The following ANAPC10 variants were observed in gnomAD, a reference collection of about 807,000 sequenced individuals.
The protein encoded by ANAPC10 is anaphase promoting complex subunit 10.
A neutral mutation model predicts 22.0 loss-of-function variants in ANAPC10; 12 were observed. That is an observed-to-expected ratio of 0.55 (90% CI 0.35 to 0.88). The LOEUF is 0.88. Ranked by LOEUF, ANAPC10 falls within the 40% of genes least tolerant of loss-of-function variation. The probability of loss-of-function intolerance (pLI) is 0.01; values close to 1 mark genes in which losing one functional copy is unlikely to be tolerated. For synonymous variants in ANAPC10, 65 were observed against 69.5 expected (o/e 0.94, Z 0.32); for missense variants, 188 against 220.9 (o/e 0.85, Z 0.94).
At chr4:145,010,625 A>G (rs1204216203) in intron 4 of ANAPC10, among the ~76,000 whole-genome samples, 1 of 152,046 alleles carries the variant, frequency 6.6e-6, no homozygotes, top group Non-Finnish European at 1.5e-5. Context: ...TTGAACAATG[A>G]GAACACTTGG....
At chr4:145,080,461 C>T (rs35098431) in intron 3 of ANAPC10, among the ~76,000 whole-genome samples, 38,574 of 152,106 alleles carry the variant, frequency 0.25, 6,381 homozygotes, top group East Asian at 0.45. Context: ...ACCTTTGTGC[C>T]ATAACAGTGG....
intron 4 of ANAPC10, among the ~76,000 whole-genome samples, chr4:145,017,003 A>G (rs1268450869): frequency 6.6e-6 from 1 of 152,236 alleles, no homozygotes; most frequent in African/African-American, 2.4e-5. Context: ...TGTTAGACCT[A>G]AACCCATAAA....
intron 4 of ANAPC10, among the ~76,000 whole-genome samples, chr4:145,054,684 C>A (rs1196534039): frequency 7.2e-6 from 1 of 138,876 alleles, no homozygotes; most frequent in African/African-American, 2.8e-5. Context: ...GTGTGTGTGC[C>A]TGTGTGTGTG....
intron 3 of ANAPC10, among the ~76,000 whole-genome samples, chr4:145,076,580 A>T (rs1203640539): frequency 6.6e-6 from 1 of 152,222 alleles, no homozygotes; most frequent in Admixed American, 6.5e-5. Flanking sequence ...TTGCCCAGCA[A>T]TGGTTCTTAA....
At chr4:145,043,050 C>T (rs1739749539) in intron 4 of ANAPC10, among the ~76,000 whole-genome samples, 1 of 151,482 alleles carries the variant, frequency 6.6e-6, no homozygotes, top group South Asian at 2.1e-4. Flanking sequence ...GTTCAGTTTA[C>T]AAGGACCTCA....
chr4:145,004,682 C>G (rs1012189820), intron 4 of ANAPC10, among the ~76,000 whole-genome samples: 2 of 152,088 alleles, frequency 1.3e-5, no homozygotes, highest in Non-Finnish European at 2.9e-5. Context: ...ACTTTGTATT[C>G]CAGGGATGAA....
chr4:145,000,345 T>TA (rs1732330199), intron 4 of ANAPC10, among the ~76,000 whole-genome samples: 1 of 151,552 alleles, frequency 6.6e-6, no homozygotes, highest in Non-Finnish European at 1.5e-5. Flanking sequence ...AAAAAGAACT[T>TA]AAACAAATTT....
At chr4:145,053,918 G>GT (rs890664203) in intron 4 of ANAPC10, 5,843 of 339,628 alleles carry the variant, frequency 0.017, no homozygotes, top group Non-Finnish European at 0.02. Context: ...GTGTGTGTGT[G>GT]TTTTTTTTTT....
intron 4 of ANAPC10, among the ~76,000 whole-genome samples, chr4:145,032,509 G>A (rs1197847063): frequency 6.6e-6 from 1 of 152,206 alleles, no homozygotes; most frequent in African/African-American, 2.4e-5. Context: ...GCCAACAAGT[G>A]ACCTCAGCAA....
chr4:145,066,969 T>C (rs1743791491), intron 3 of ANAPC10, among the ~76,000 whole-genome samples: 1 of 152,160 alleles, frequency 6.6e-6, no homozygotes, highest in Non-Finnish European at 1.5e-5. Flanking sequence ...GTGTCTGTAG[T>C]TTTTTAAATT....
chr4:145,039,662 T>C (rs1739201622), intron 4 of ANAPC10, among the ~76,000 whole-genome samples: 1 of 152,126 alleles, frequency 6.6e-6, no homozygotes, highest in African/African-American at 2.4e-5. Context: ...TGGCTAGATC[T>C]TGGAGCACTG....
chr4:145,053,870 C>A (rs1483319962), intron 4 of ANAPC10: 2 of 513,876 alleles, frequency 3.9e-6, no homozygotes, highest in South Asian at 3.1e-5. Context: ...GTAGTTTCAG[C>A]AAGATTTACT....
At chr4:145,007,732 T>C (rs1167603221) in intron 4 of ANAPC10, among the ~76,000 whole-genome samples, 1 of 151,686 alleles carries the variant, frequency 6.6e-6, no homozygotes, top group Non-Finnish European at 1.5e-5. Context: ...GCAGGAAAGA[T>C]CAAAATTGAC....
intron 4 of ANAPC10, among the ~76,000 whole-genome samples, chr4:145,001,020 C>T (rs1732458724): frequency 6.6e-6 from 1 of 151,258 alleles, no homozygotes; most frequent in African/African-American, 2.4e-5. Flanking sequence ...CAGGGCCCAC[C>T]CCGGGGCCTG....
chr4:145,048,998 C>T (rs1179795282), intron 4 of ANAPC10, among the ~76,000 whole-genome samples: 5 of 152,130 alleles, frequency 3.3e-5, no homozygotes, highest in Non-Finnish European at 7.4e-5. Context: ...GTGAGTATCA[C>T]AATAAAGTGA....
At chr4:144,997,964 A>G (rs950799645) in intron 4 of ANAPC10, among the ~76,000 whole-genome samples, 2 of 152,212 alleles carry the variant, frequency 1.3e-5, no homozygotes, top group African/African-American at 4.8e-5. Context: ...TAAACCAACA[A>G]AGATCAAAAG....
At chr4:145,009,641 C>A (rs1204763210) in intron 4 of ANAPC10, among the ~76,000 whole-genome samples, 7 of 152,122 alleles carry the variant, frequency 4.6e-5, no homozygotes, top group African/African-American at 1.7e-4. Context: ...GAAACTGGAT[C>A]CCTTCCTTAC....
At chr4:145,068,647 C>T (rs778502209) in intron 3 of ANAPC10, among the ~76,000 whole-genome samples, 4 of 152,330 alleles carry the variant, frequency 2.6e-5, no homozygotes, top group South Asian at 2.1e-4. Flanking sequence ...TGCAGTGGCA[C>T]ACGCCTGTAA....
chr4:145,054,604 AGTGTGT>A (rs70956823), intron 4 of ANAPC10, among the ~76,000 whole-genome samples: 10,811 of 128,054 alleles, frequency 0.084, 540 homozygotes, highest in South Asian at 0.12. Context: ...CATACTGAAT[AGTGTGT>A]GTGTGTGTGT....
Sources: allele counts gnomAD v4.1 joint callset (sites outside exome capture counted in the v4.1 genomes callset), GRCh38; gene constraint gnomAD v4.1.1; transcripts MANE v1.5; gene names NCBI Gene and HGNC (gene_info 2026-07-23, HGNC 2026-07-21).